PDE7B: variants seen among roughly 807,000 people sequenced by gnomAD.
PDE7B encodes 3',5'-cyclic-AMP phosphodiesterase 7B.
PDE7B carries 29 observed loss-of-function variants against 56.2 expected under a neutral mutation model. That is an observed-to-expected ratio of 0.52 (90% CI 0.38 to 0.70). PDE7B has a LOEUF of 0.70. PDE7B is among the 30% of genes least tolerant of loss of function. PDE7B has a pLI of 0.00. For missense variants in PDE7B, 490 were observed against 565.0 expected (o/e 0.87, Z 1.35); for synonymous variants, 197 against 196.9 (o/e 1.00, Z 0.00).
intron 1 of PDE7B, among the ~76,000 whole-genome samples, chr6:135,935,096 T>G (rs1774388098): frequency 9.1e-5 from 8 of 88,374 alleles, no homozygotes; most frequent in African/African-American, 4.0e-4. Flanking sequence ...ATATAATATA[T>G]ATTTCTCTAT....
At chr6:136,150,200 T>C (rs1321969453) in intron 5 of PDE7B, among the ~76,000 whole-genome samples, 1 of 151,632 alleles carries the variant, frequency 6.6e-6, no homozygotes, top group Non-Finnish European at 1.5e-5. Context: ...CACAAGTATA[T>C]GAAGTATATA....
At chr6:135,879,689 G>A (rs1238256444) in intron 1 of PDE7B, among the ~76,000 whole-genome samples, 1 of 152,156 alleles carries the variant, frequency 6.6e-6, no homozygotes, top group Non-Finnish European at 1.5e-5. Flanking sequence ...TACAGTTGGA[G>A]AGGCAAACTA....
intron 3 of PDE7B, among the ~76,000 whole-genome samples, chr6:136,120,191 T>C (rs1045220454): frequency 1.3e-5 from 2 of 152,234 alleles, no homozygotes; most frequent in Non-Finnish European, 2.9e-5. Context: ...ACTTGACTTA[T>C]AGTGAAGTAG....
At chr6:135,933,435 A>C (rs867615693) in intron 1 of PDE7B, among the ~76,000 whole-genome samples, 1 of 152,228 alleles carries the variant, frequency 6.6e-6, no homozygotes, top group African/African-American at 2.4e-5. Context: ...CCATGAATTA[A>C]AGAGCATTTA....
intron 2 of PDE7B, among the ~76,000 whole-genome samples, chr6:136,095,292 GATAT>G (rs1340388763): frequency 6.6e-6 from 1 of 151,906 alleles, no homozygotes; most frequent in African/African-American, 2.4e-5. Flanking sequence ...TGATTTATAT[GATAT>G]ATAAAGTATA....
intron 2 of PDE7B, among the ~76,000 whole-genome samples, chr6:136,002,883 A>G (rs1048683048): frequency 2.6e-5 from 4 of 152,088 alleles, no homozygotes; most frequent in African/African-American, 9.7e-5. Flanking sequence ...TCCACCCCAA[A>G]TCAACACAAT....
At chr6:136,025,255 T>C (rs1023635715) in intron 2 of PDE7B, among the ~76,000 whole-genome samples, 3 of 152,196 alleles carry the variant, frequency 2.0e-5, no homozygotes, top group Non-Finnish European at 4.4e-5. Flanking sequence ...AAGAAATGAA[T>C]ACCTGCACTC....
chr6:136,148,389 AGG>A (rs1778452438), intron 4 of PDE7B, among the ~76,000 whole-genome samples: 1 of 140,528 alleles, frequency 7.1e-6, no homozygotes, highest in African/African-American at 2.7e-5. Flanking sequence ...AAAAGAAAGA[AGG>A]AAAGGAAAGA....
At chr6:136,135,348 ATG>A (rs1309561032) in intron 3 of PDE7B, among the ~76,000 whole-genome samples, 2 of 151,368 alleles carry the variant, frequency 1.3e-5, no homozygotes, top group Admixed American at 6.6e-5. Context: ...GTTTTGTTGT[ATG>A]TGTTTTTGTT....
intron 1 of PDE7B, among the ~76,000 whole-genome samples, chr6:135,884,840 T>C (rs1775673425): frequency 6.6e-6 from 1 of 152,182 alleles, no homozygotes; most frequent in South Asian, 2.1e-4. Context: ...TGTCTGCCTA[T>C]GAGTCAAATT....
At chr6:136,108,243 G>A (rs1485082580) in intron 2 of PDE7B, among the ~76,000 whole-genome samples, 1 of 152,086 alleles carries the variant, frequency 6.6e-6, no homozygotes, top group Non-Finnish European at 1.5e-5. Context: ...AGTGCCTGGA[G>A]CAAGGCTAGC....
intron 1 of PDE7B, among the ~76,000 whole-genome samples, chr6:135,894,706 C>T (rs1203010576): frequency 6.6e-6 from 1 of 152,104 alleles, no homozygotes; most frequent in East Asian, 1.9e-4. Flanking sequence ...GTTTAACTTT[C>T]CACCCAGCTA....
chr6:136,181,422 T>C, intron 11 of PDE7B, 99 bp downstream of exon 11: 1 of 778,464 alleles, frequency 1.3e-6, no homozygotes, highest in Non-Finnish European at 2.3e-6. Context: ...TGACATTTGT[T>C]CTCTCATCAA....
chr6:136,038,249 A>C (rs1225380781), intron 2 of PDE7B: 1 of 1,299,018 alleles, frequency 7.7e-7, no homozygotes, highest in Non-Finnish European at 1.0e-6. Flanking sequence ...CAGCAGCAGC[A>C]CCACCACCAC....
rs141641223 is a variant in PDE7B, at chr6:136,174,106, A to C, written c.803+218A>C. Among the ~76,000 whole-genome samples the C allele has an allele frequency of 6.0e-3, 910 of 152,266 alleles. 29 individuals carry two copies. The highest frequency in any genetic ancestry group is 0.051 in the Admixed American group (777 of 15,280). The stretch of plus-strand genomic sequence containing the variant: ...GCTTTGAAAGGGCCTTGCAGAGTCA[A>C]TGACCTACAGTCAGGAAAAGGGATA... On this transcript the variant is annotated intron_variant, in intron 9 of 12. Coordinates refer to ENST00000308191, the MANE Select transcript of PDE7B (RefSeq NM_018945.4).
At chr6:136,110,869 A>C (rs1013030755) in intron 3 of PDE7B, 5 of 152,144 alleles carry the variant, frequency 3.3e-5, no homozygotes, top group African/African-American at 1.2e-4. Context: ...AGCAGCTGCT[A>C]TCCTGTCTTC....
At chr6:135,978,628 T>C (rs1423586914) in intron 2 of PDE7B, among the ~76,000 whole-genome samples, 1 of 152,118 alleles carries the variant, frequency 6.6e-6, no homozygotes, top group Non-Finnish European at 1.5e-5. Flanking sequence ...CATACGACTG[T>C]ACAAAAAAAT....
At chr6:136,141,802 G>A (rs1340148164) in intron 3 of PDE7B, among the ~76,000 whole-genome samples, 2 of 152,082 alleles carry the variant, frequency 1.3e-5, no homozygotes. Context: ...TGTGGGATCG[G>A]TGCTGATATC....
chr6:136,026,731 A>G (rs1776158470), intron 2 of PDE7B, among the ~76,000 whole-genome samples: 1 of 152,220 alleles, frequency 6.6e-6, no homozygotes, highest in African/African-American at 2.4e-5. Context: ...TCAGGATTCA[A>G]TAAGGAATTG....
Sources: gnomAD v4.1 joint callset for allele counts (sites outside exome capture counted in the v4.1 genomes callset) on GRCh38, gnomAD v4.1.1 for gene constraint, MANE v1.5 for transcripts, NCBI Gene and HGNC (gene_info 2026-07-23, HGNC 2026-07-21) for gene names.